Variants in ADCY8 observed in about 807,000 individuals in gnomAD.
ADCY8 encodes the protein adenylate cyclase 8, also known as adenylate cyclase type 8.
A neutral mutation model predicts 119.7 loss-of-function variants in ADCY8; 51 were observed. That is an observed-to-expected ratio of 0.43 (90% CI 0.34 to 0.54). The LOEUF (loss-of-function observed/expected upper bound fraction) is 0.54, where lower values mean the gene tolerates loss of function less well. ADCY8 is among the 20% of genes least tolerant of loss of function. The pLI, the probability that ADCY8 is intolerant of heterozygous loss-of-function variation, is 0.03. For missense variants in ADCY8, 1,383 were observed against 1,598.8 expected (o/e 0.87, Z 2.30); for synonymous variants, 665 against 651.0 (o/e 1.02, Z -0.33).
At chr8:130,984,152 G>A (rs1822324112) in intron 2 of ADCY8, among the ~76,000 whole-genome samples, 1 of 149,812 alleles carries the variant, frequency 6.7e-6, no homozygotes, top group Non-Finnish European at 1.5e-5. Context: ...CTCCCTGTGT[G>A]GGACAGAGGA....
At chr8:130,969,794 C>A (rs140499518) in intron 2 of ADCY8, among the ~76,000 whole-genome samples, 1 of 152,138 alleles carries the variant, frequency 6.6e-6, no homozygotes, top group East Asian at 1.9e-4. Flanking sequence ...ATCATCTCCG[C>A]CCCTGCCAAC....
chr8:130,896,105 C>T (rs1819378044), intron 7 of ADCY8, among the ~76,000 whole-genome samples: 1 of 152,032 alleles, frequency 6.6e-6, no homozygotes, highest in Non-Finnish European at 1.5e-5. Context: ...TAGATCTCAG[C>T]TTAAGGTATT....
At chr8:130,976,019 TAA>T (rs34559288) in intron 2 of ADCY8, among the ~76,000 whole-genome samples, 1 of 151,874 alleles carries the variant, frequency 6.6e-6, no homozygotes, top group African/African-American at 2.4e-5. Context: ...TTCAGTATGC[TAA>T]AAAAAACCAC....
Position 130,787,790 on chromosome 8 carries a change from T to C in ADCY8, c.3061-2315A>G, listed in dbSNP as rs774604367. Among the ~76,000 whole-genome samples the C allele has an allele frequency of 4.6e-5, 7 of 152,200 alleles. No homozygotes were observed. In the South Asian group the frequency reaches 6.2e-4, roughly 14 times the overall value. Reference sequence around the variant, plus strand: ...ACATGTATGTGTGCCTGTGTGTGGGTGCACACACACATGTGTGTTGTTTAT... The same window carrying C: ...ACATGTATGTGTGCCTGTGTGTGGGCGCACACACACATGTGTGTTGTTTAT... On this transcript the variant is annotated intron_variant, in intron 15 of 17. Transcript: ENST00000286355.
chr8:130,824,352 G>GA (rs1017732863), intron 12 of ADCY8, among the ~76,000 whole-genome samples: 1 of 151,598 alleles, frequency 6.6e-6, no homozygotes, highest in Non-Finnish European at 1.5e-5. Context: ...TCCCATTCTA[G>GA]AAAAAAAATC....
At chr8:131,038,747 T>C (rs1253646578) in intron 1 of ADCY8, among the ~76,000 whole-genome samples, 1 of 152,186 alleles carries the variant, frequency 6.6e-6, no homozygotes, top group Non-Finnish European at 1.5e-5. Context: ...TGGGGTCGCA[T>C]CGTGTCATGA....
chr8:130,893,367 C>CA (rs1819258656), intron 7 of ADCY8, among the ~76,000 whole-genome samples: 1 of 152,056 alleles, frequency 6.6e-6, no homozygotes, highest in East Asian at 1.9e-4. Context: ...ATGGGACTCA[C>CA]AAGTAGGGGA....
At chr8:130,986,240 C>T (rs1320555681) in intron 2 of ADCY8, among the ~76,000 whole-genome samples, 1 of 152,156 alleles carries the variant, frequency 6.6e-6, no homozygotes, top group Non-Finnish European at 1.5e-5. Flanking sequence ...ACTTAGTTTT[C>T]TAATGGAGGG....
At chr8:130,948,670 A>G (rs1391606089) in intron 3 of ADCY8, among the ~76,000 whole-genome samples, 1 of 135,832 alleles carries the variant, frequency 7.4e-6, no homozygotes, top group African/African-American at 3.5e-5. Context: ...AAAAAAGCCA[A>G]GGGAGAAAAA....
intron 5 of ADCY8, among the ~76,000 whole-genome samples, chr8:130,927,028 G>A (rs1017887832): frequency 1.3e-5 from 2 of 150,908 alleles, no homozygotes; most frequent in South Asian, 4.2e-4. Context: ...GCATATCTTG[G>A]CTATGGTAAA....
intron 8 of ADCY8, among the ~76,000 whole-genome samples, chr8:130,882,862 GAGTC>G (rs1818829435): frequency 6.6e-6 from 1 of 152,168 alleles, no homozygotes; most frequent in Admixed American, 6.5e-5. Flanking sequence ...ATCTCGGTAA[GAGTC>G]AGTGAAGAAT....
At chr8:130,783,957 C>G in intron 16 of ADCY8, 152 bp from the exon 17 acceptor site, 1 of 600,218 alleles carries the variant, frequency 1.7e-6, no homozygotes, top group Non-Finnish European at 2.9e-6. Context: ...ACACTCAAGT[C>G]ACTGGTATCT....
chr8:130,894,114 T>G (rs965284290), intron 7 of ADCY8, among the ~76,000 whole-genome samples: 3 of 152,186 alleles, frequency 2.0e-5, no homozygotes, highest in Admixed American at 6.5e-5. Context: ...ACTAATCACA[T>G]GTAGTTATTG....
At chr8:130,874,745 A>C (rs2130424364) in intron 8 of ADCY8, among the ~76,000 whole-genome samples, 1 of 152,194 alleles carries the variant, frequency 6.6e-6, no homozygotes, top group Non-Finnish European at 1.5e-5. Context: ...GGCACATGAG[A>C]ATTTCAAGAA....
intron 2 of ADCY8, among the ~76,000 whole-genome samples, chr8:130,989,517 T>G (rs546847059): frequency 5.5e-4 from 83 of 152,160 alleles, no homozygotes; most frequent in African/African-American, 1.8e-3. Flanking sequence ...AGGGCTTAGT[T>G]AAAAAAAGGT....
At chr8:130,952,100 T>C in intron 2 of ADCY8, 102 bp from the exon 3 acceptor site, 1 of 1,333,238 alleles carries the variant, frequency 7.5e-7, no homozygotes, top group East Asian at 2.3e-5. Flanking sequence ...TGAACTCCCT[T>C]TGGGATTGCT....
chr8:131,016,822 G>A (rs6984356), intron 1 of ADCY8, among the ~76,000 whole-genome samples: 63,370 of 151,828 alleles, frequency 0.42, 13,763 homozygotes, highest in East Asian at 0.63. Context: ...TAGGTTTGGA[G>A]CAGAGGACAG....
chr8:130,921,160 A>G (rs923567589), intron 5 of ADCY8, among the ~76,000 whole-genome samples: 2 of 152,256 alleles, frequency 1.3e-5, no homozygotes, highest in Admixed American at 1.3e-4. Flanking sequence ...ATATTAAAAA[A>G]TATAGTAAAG....
At chr8:130,953,543 G>C (rs1821337629) in intron 2 of ADCY8, among the ~76,000 whole-genome samples, 1 of 152,072 alleles carries the variant, frequency 6.6e-6, no homozygotes, top group African/African-American at 2.4e-5. Context: ...TTCCTAGCTG[G>C]GATTCTTGGT....
Sources: allele counts gnomAD v4.1 joint callset (sites outside exome capture counted in the v4.1 genomes callset), GRCh38; gene constraint gnomAD v4.1.1; transcripts MANE v1.5; gene names NCBI Gene and HGNC (gene_info 2026-07-23, HGNC 2026-07-21).